Variants in IDE observed in about 807,000 individuals in gnomAD.
The protein encoded by IDE is insulin degrading enzyme.
Under a neutral mutation model 133.2 loss-of-function variants are expected in IDE, and 58 were observed. The observed-to-expected ratio is 0.44, with a 90% CI of 0.35 to 0.54. IDE has a LOEUF of 0.54. Among genes scored for constraint, IDE ranks in the 20% least tolerant of loss-of-function variants. The pLI, the probability that IDE is intolerant of heterozygous loss-of-function variation, is 0.00. For missense variants in IDE, 981 were observed against 1,234.0 expected, an observed-to-expected ratio of 0.79 and a Z score of 3.07; for synonymous variants, 396 against 421.3, an observed-to-expected ratio of 0.94 and a Z score of 0.73.
At chr10:92,470,229 G>A (rs1564599704) in intron 18 of IDE, 25 bp downstream of exon 18, 3 of 1,482,904 alleles carry the variant, frequency 2.0e-6, no homozygotes, top group Non-Finnish European at 2.8e-6. Context: ...ATCCACAAAA[G>A]ATTGCTAAAA....
intron 1 of IDE, among the ~76,000 whole-genome samples, chr10:92,543,029 C>T (rs1842382923): frequency 6.6e-6 from 1 of 152,182 alleles, no homozygotes; most frequent in South Asian, 2.1e-4. Context: ...TTGCTTTTTG[C>T]TTCCTACTCA....
intron 1 of IDE, chr10:92,573,039 T>C: frequency 1.0e-6 from 1 of 985,426 alleles, no homozygotes; most frequent in Non-Finnish European, 1.2e-6. Flanking sequence ...AGGTGCTGGC[T>C]ATTACTGATT....
At chr10:92,472,737 C>T (rs1351198192) in intron 17 of IDE, among the ~76,000 whole-genome samples, 1 of 148,266 alleles carries the variant, frequency 6.7e-6, no homozygotes, top group Non-Finnish European at 1.5e-5. Flanking sequence ...CTCCTGGGTT[C>T]AAGCGATTCT....
chr10:92,526,366 G>GA (rs946305447), intron 4 of IDE, among the ~76,000 whole-genome samples: 16 of 150,832 alleles, frequency 1.1e-4, no homozygotes, highest in African/African-American at 1.9e-4. Flanking sequence ...CACAGAAATA[G>GA]AAAAAAAAAT....
chr10:92,494,424 T>C lies in IDE; in HGVS notation c.1431-3829A>G, dbSNP rs553810218. ...GTGTGGGGGAAGAAAAGGCTGCCAA[T>C]ATGGTAATGATGTGATCCTTAGAAA... On this transcript the variant is annotated intron_variant, in intron 11 of 24. Coordinates refer to ENST00000265986, the MANE Select transcript of IDE (RefSeq NM_004969.4). Among the ~76,000 whole-genome samples, 111 of 149,616 alleles carry C rather than the reference T, an allele frequency of 7.4e-4. 1 individual carries two copies. In the South Asian group the frequency reaches 0.021, roughly 28 times the overall value.
chr10:92,504,893 T>C lies in IDE; in HGVS notation c.1331A>G (p.Tyr444Cys), dbSNP rs760380302. 1 of 1,453,138 alleles carries C rather than the reference T, an allele frequency of 6.9e-7. No individual in the cohort carries two copies. The highest frequency in any genetic ancestry group is 9.4e-7 in the Non-Finnish European group (1 of 1,060,098). 90.0% of individuals were successfully genotyped at this position (1,453,138 alleles called of 1,614,324 possible). The change falls in exon 11 of 25, where the codon TAT (tyrosine) becomes TGT (cysteine). Residue 444 changes from tyrosine (Y) to cysteine (C), a missense_variant. Tyr to Cys is a radical substitution (Grantham distance 194). Coordinates refer to ENST00000265986, the MANE Select transcript of IDE (RefSeq NM_004969.4). ...TSKIAGILHYYPLEEVLTAEY... is the reference protein window; with the variant it reads ...TSKIAGILHYCPLEEVLTAEY... The stretch of plus-strand genomic sequence containing the variant: ...CGCTGTGAGCACCTCTTCTAGGGGA[T>C]AATACTTTTAAAAAGGAAAATATAA...
intron 18 of IDE, 132 bp downstream of exon 18, chr10:92,470,122 A>G: frequency 1.8e-6 from 1 of 545,294 alleles, no homozygotes; most frequent in Non-Finnish European, 3.2e-6. Context: ...CTTCCTCCAC[A>G]GAGCAAGAGG....
chr10:92,488,931 T>C (rs1465602784), intron 12 of IDE, among the ~76,000 whole-genome samples: 6 of 36,274 alleles, frequency 1.7e-4, no homozygotes, highest in Non-Finnish European at 2.9e-4. Context: ...TTTTCATTAT[T>C]TAAAAAAAAA....
At chr10:92,491,615 G>T (rs1052497269) in intron 11 of IDE, among the ~76,000 whole-genome samples, 72 of 139,656 alleles carry the variant, frequency 5.2e-4, no homozygotes, top group Middle Eastern at 3.6e-3. Flanking sequence ...TTTTGTTTTT[G>T]TTTTTTTTTT....
chr10:92,492,736 C>T (rs1273517035), intron 11 of IDE, among the ~76,000 whole-genome samples: 2 of 152,162 alleles, frequency 1.3e-5, no homozygotes, highest in Non-Finnish European at 2.9e-5. Context: ...AATCAAAACT[C>T]CCCTCTGATG....
At chr10:92,516,118 G>A (rs1479690531) in intron 4 of IDE, among the ~76,000 whole-genome samples, 3 of 147,392 alleles carry the variant, frequency 2.0e-5, no homozygotes, top group Non-Finnish European at 3.0e-5. Context: ...GCGGTGAGCC[G>A]AAATCACGCC....
At chr10:92,546,122 TTGAG>T (rs1202371287) in intron 1 of IDE, among the ~76,000 whole-genome samples, 1 of 151,976 alleles carries the variant, frequency 6.6e-6, no homozygotes, top group Admixed American at 6.6e-5. Flanking sequence ...TAATATAGGG[TTGAG>T]TGAAAGAGGC....
chr10:92,474,321 G>A (rs1040530704), intron 17 of IDE, among the ~76,000 whole-genome samples: 72 of 152,044 alleles, frequency 4.7e-4, no homozygotes, highest in African/African-American at 1.7e-3. Flanking sequence ...TCCTTTCTCC[G>A]CCTCCCAAAA....
chr10:92,560,435 T>C (rs1487320557), intron 1 of IDE, among the ~76,000 whole-genome samples: 1 of 152,190 alleles, frequency 6.6e-6, no homozygotes, highest in Non-Finnish European at 1.5e-5. Context: ...GTACACTGTT[T>C]GCTCTCTTTT....
Position 92,495,635 on chromosome 10 carries a change from G to A in IDE, c.1431-5040C>T, listed in dbSNP as rs1847642218. ...TAAAGTGCTGGGACTACAGGCGTGA[G>A]CCACCACACCCGGCCTCAATAATTT... On this transcript the variant is annotated intron_variant, in intron 11 of 24. Coordinates refer to ENST00000265986, the MANE Select transcript of IDE (RefSeq NM_004969.4). 2.0e-5 allele frequency among the ~76,000 whole-genome samples: 3 copies of A among 152,194 alleles called. No homozygotes were observed. In the South Asian group the frequency reaches 6.2e-4, roughly 32 times the overall value.
intron 1 of IDE, among the ~76,000 whole-genome samples, chr10:92,549,413 G>A (rs1842679767): frequency 6.6e-6 from 1 of 152,118 alleles, no homozygotes; most frequent in South Asian, 2.1e-4. Context: ...TTAAAGTACA[G>A]AACGCTTCTA....
chr10:92,506,202 T>C (rs1203668778), intron 10 of IDE, among the ~76,000 whole-genome samples: 4 of 152,212 alleles, frequency 2.6e-5, no homozygotes, highest in Non-Finnish European at 1.5e-5. Flanking sequence ...AACTGAAATA[T>C]ATTTAAAGCC....
chr10:92,514,604 T>A (rs80021907), intron 5 of IDE, among the ~76,000 whole-genome samples: 2,954 of 152,212 alleles, frequency 0.019, 45 homozygotes, highest in Admixed American at 0.052. Context: ...CCCACTAATT[T>A]AAAAAAATTT....
chr10:92,524,484 T>TTATATATTTTATATAATATATTATATA (rs1849489340), intron 4 of IDE, among the ~76,000 whole-genome samples: 2 of 27,182 alleles, frequency 7.4e-5, no homozygotes, highest in African/African-American at 3.5e-4. Context: ...ATAATATATA[T>TTATATATTTTATATAATATATTATATA]TATATTATAA....
Sources: allele counts gnomAD v4.1 joint callset (sites outside exome capture counted in the v4.1 genomes callset), GRCh38; gene constraint gnomAD v4.1.1; transcripts MANE v1.5; gene names NCBI Gene and HGNC (gene_info 2026-07-23, HGNC 2026-07-21).